Variants in MMP28 observed in about 807,000 individuals in gnomAD.
MMP28 encodes matrix metalloproteinase-28.
In MMP28, 55 loss-of-function variants were observed where a neutral mutation model predicts 60.5. The ratio of observed to expected loss-of-function variants is 0.91; its 90% CI spans 0.73 to 1.14. The LOEUF (loss-of-function observed/expected upper bound fraction) is 1.14. Among genes scored for constraint, MMP28 ranks in the 50% most tolerant of loss-of-function variants. MMP28 has a pLI of 0.00. For synonymous variants in MMP28, 318 were observed against 312.5 expected, an observed-to-expected ratio of 1.02 and a Z score of -0.18; for missense variants, 686 against 738.3, an observed-to-expected ratio of 0.93 and a Z score of 0.82.
At chr17:35,790,682 T>C (rs1309153378) in intron 1 of MMP28, among the ~76,000 whole-genome samples, 2 of 152,082 alleles carry the variant, frequency 1.3e-5, no homozygotes, top group Admixed American at 6.5e-5. Context: ...TCCAAATATA[T>C]ATACACAGAA....
intron 1 of MMP28, among the ~76,000 whole-genome samples, chr17:35,789,415 ATTTC>A (rs1401658325): frequency 2.6e-5 from 4 of 152,150 alleles, no homozygotes; most frequent in Admixed American, 2.6e-4. Context: ...GTTTTTTATT[ATTTC>A]TTTCTTTCCT....
rs2086944360 is a variant in MMP28, at chr17:35,795,434, G to C, written c.-57C>G. ...AGCTACTGCGCGCAGGGAACCAGCC[G>C]GCAGTCAGCCGCGCCCGGGACCCCG... is the stretch of plus-strand genomic sequence containing the variant. On this transcript the variant is annotated 5_prime_UTR_variant, in exon 1 of 8. Coordinates refer to ENST00000605424, the MANE Select transcript of MMP28 (RefSeq NM_024302.5). The C allele has an allele frequency of 7.8e-7, 1 of 1,285,580 alleles. No homozygotes were observed. Among genetic ancestry groups the C allele is most frequent in the Non-Finnish European group, 1.0e-6 (1 of 998,310 alleles). 79.6% of individuals were successfully genotyped at this position (1,285,580 alleles called of 1,614,324 possible).
At chr17:35,793,386 G>C (rs2086871683) in intron 1 of MMP28, among the ~76,000 whole-genome samples, 1 of 152,104 alleles carries the variant, frequency 6.6e-6, no homozygotes, top group Non-Finnish European at 1.5e-5. Context: ...AACAAGACTT[G>C]GCTTGGCAGA....
intron 1 of MMP28, among the ~76,000 whole-genome samples, chr17:35,791,436 G>C (rs756408047): frequency 6.6e-6 from 1 of 152,094 alleles, no homozygotes; most frequent in South Asian, 2.1e-4. Context: ...TACTCAGGAG[G>C]CTGAAGCAGG....
chr17:35,766,239 C>A lies in MMP28; in HGVS notation c.*261G>T, dbSNP rs568023381. On this transcript the variant is annotated 3_prime_UTR_variant, in exon 8 of 8. Coordinates refer to ENST00000605424, the MANE Select transcript of MMP28 (RefSeq NM_024302.5). This position sits in a 1 kb window ranked among gnomAD's most constrained non-coding sequence, Gnocchi z 4.3. The stretch of plus-strand genomic sequence containing the variant: ...AAGGCCTGGGGAGGATAGAAGTCCT[C>A]GGAGGAAAGGGCCAAGGGATCTGGG... 15 of 1,268,142 alleles carry A rather than the reference C, an allele frequency of 1.2e-5. No homozygotes were observed. The South Asian group carries it at 3.3e-4, about 28-fold the overall frequency. The allele number at this position is 1,268,142 out of a possible 1,614,324, so 78.6% of individuals were successfully genotyped here. A position where few individuals can be genotyped will look rare whatever the true frequency, so the allele number is the denominator to read the frequency against.
chr17:35,778,982 A>T lies in MMP28; in HGVS notation c.285T>A (p.Asp95Glu). The T allele has an allele frequency of 3.1e-6, 5 of 1,614,052 alleles. No homozygotes were observed. The highest frequency in any genetic ancestry group is 2.5e-6 in the Non-Finnish European group (3 of 1,179,894). The stretch of plus-strand genomic sequence containing the variant: ...CAGCCCAGGCCGCATAACTGTTGGT[A>T]TCTGTAACCCCGCAGCGGGGACGAG... ...QMTRPRCGVT[D>E]TNSYAAWAER... The change falls in exon 3 of 8, where the codon GAT becomes GAA. Residue 95 changes from aspartate (D) to glutamate (E), a missense_variant. Asp to Glu is a conservative substitution (Grantham distance 45, BLOSUM62 2). Coordinates refer to ENST00000605424, the MANE Select transcript of MMP28 (RefSeq NM_024302.5).
chr17:35,782,849 C>T (rs1026249200), intron 1 of MMP28, among the ~76,000 whole-genome samples: 3 of 151,668 alleles, frequency 2.0e-5, no homozygotes, highest in Admixed American at 6.6e-5. Context: ...TTTTTTGAGA[C>T]GGAGTCTCGC....
chr17:35,769,549 C>G (rs1014977915), intron 5 of MMP28, among the ~76,000 whole-genome samples: 1 of 152,144 alleles, frequency 6.6e-6, no homozygotes, highest in African/African-American at 2.4e-5. Context: ...CACTGGCCCA[C>G]CCTGGGGAAG....
chr17:35,765,608 G>A (rs907699759), downstream of MMP28, among the ~76,000 whole-genome samples: 8 of 152,210 alleles, frequency 5.3e-5, no homozygotes, highest in Non-Finnish European at 1.2e-4. Flanking sequence ...CATCCCCAGC[G>A]CCTGCAGCGT....
chr17:35,771,266 A>C (rs999569178), intron 4 of MMP28, among the ~76,000 whole-genome samples: 1 of 151,936 alleles, frequency 6.6e-6, no homozygotes, highest in Non-Finnish European at 1.5e-5. Flanking sequence ...CCCTGTCTCT[A>C]CTAAAAATGC....
downstream of MMP28, among the ~76,000 whole-genome samples, chr17:35,762,094 G>A (rs1482760554): frequency 6.6e-6 from 1 of 152,044 alleles, no homozygotes; most frequent in South Asian, 2.1e-4. Flanking sequence ...GGGTTCAAGC[G>A]ATTCTCCTGC....
chr17:35,783,162 C>A (rs1484060352), intron 1 of MMP28, among the ~76,000 whole-genome samples: 1 of 152,236 alleles, frequency 6.6e-6, no homozygotes, highest in Non-Finnish European at 1.5e-5. Context: ...CTAAGCCCCT[C>A]TTTCTTTATC....
rs756039488 is a variant in MMP28, at chr17:35,766,001, C to T, written c.*499G>A. ...CACAAAGGGCCTCTGAGGTTGGAGA[C>T]GCCTGTGCCTTCATCCCCATCCATG... On this transcript the variant is annotated 3_prime_UTR_variant, in exon 8 of 8. Transcript: ENST00000605424. The surrounding 1 kb of genome is among the most constrained non-coding windows in gnomAD (Gnocchi z 4.3). The T allele has an allele frequency of 4.1e-6, 4 of 985,428 alleles. No individual in the cohort carries two copies. Among genetic ancestry groups the T allele is most frequent in the Non-Finnish European group, 3.6e-6 (3 of 829,936 alleles). The allele number at this position is 985,428 out of a possible 1,614,324, so 61.0% of individuals were successfully genotyped here.
Position 35,767,927 on chromosome 17 carries a change from G to GAC in MMP28, c.1001-9_1001-8insGT. The GAC allele has an allele frequency of 1.3e-6, 2 of 1,565,960 alleles. No individual in the cohort carries two copies. The highest frequency in any genetic ancestry group is 2.7e-5 in the African/African-American group (2 of 73,776). Reference sequence around the variant, plus strand: ...ACAGTTGCTGTTGCCTGTCTGCCCAGAGACAAGAGAGAGTTGAGGAGTGAC... The same window carrying GAC: ...ACAGTTGCTGTTGCCTGTCTGCCCAGACAGACAAGAGAGAGTTGAGGAGTGAC... On this transcript the variant is annotated splice_polypyrimidine_tract_variant and intron_variant, in intron 6 of 7. Transcript: ENST00000605424.
At position 35,790,069 on chromosome 17, in the gene MMP28, T is replaced by G. The variant is rs1465303880; in HGVS notation, c.111+5198A>C. On this transcript the variant is annotated intron_variant, in intron 1 of 7. Coordinates refer to ENST00000605424, the MANE Select transcript of MMP28 (RefSeq NM_024302.5). ...GAGCCACCGCACCTGGCTTTTTTTTTTTTTTTTTTTTTTTTGAGACAGAGT... is the reference window on the plus strand; with the variant it reads ...GAGCCACCGCACCTGGCTTTTTTTTGTTTTTTTTTTTTTTTGAGACAGAGT... Among the ~76,000 whole-genome samples the G allele has an allele frequency of 6.6e-5, 9 of 137,348 alleles. No individual in the cohort carries two copies. In the East Asian group the frequency reaches 1.9e-3, roughly 29 times the overall value. 90.1% of individuals were successfully genotyped at this position (137,348 alleles called of 152,430 possible). A position where few individuals can be genotyped will look rare whatever the true frequency, so the allele number is the denominator to read the frequency against.
intron 2 of MMP28, among the ~76,000 whole-genome samples, chr17:35,760,172 C>T (rs1285906262): frequency 2.0e-5 from 3 of 152,152 alleles, no homozygotes; most frequent in African/African-American, 7.2e-5. Flanking sequence ...TTGAGGTCAG[C>T]AACTTCATCT....
At chr17:35,782,301 C>T (rs2086529771) in intron 1 of MMP28, among the ~76,000 whole-genome samples, 1 of 152,110 alleles carries the variant, frequency 6.6e-6, no homozygotes, top group Admixed American at 6.5e-5. Context: ...ATGATCCGCC[C>T]GCCTCAGCCT....
chr17:35,795,139 G>T, intron 1 of MMP28, 128 bp downstream of exon 1: 1 of 562,670 alleles, frequency 1.8e-6, no homozygotes, highest in Non-Finnish European at 2.8e-6. Flanking sequence ...CAAGTGCGAA[G>T]GGGGCGGAGG....
chr17:35,792,534 C>T (rs988670101), intron 1 of MMP28, among the ~76,000 whole-genome samples: 1 of 152,222 alleles, frequency 6.6e-6, no homozygotes, highest in African/African-American at 2.4e-5. Flanking sequence ...AATTTCGACT[C>T]ACAGTTATCT....
Sources: allele counts gnomAD v4.1 joint callset (sites outside exome capture counted in the v4.1 genomes callset), GRCh38; gene constraint gnomAD v4.1.1; non-coding constraint Gnocchi (gnomAD v3.1); transcripts MANE v1.5; gene names NCBI Gene and HGNC (gene_info 2026-07-23, HGNC 2026-07-21).